Variants in SCLT1 observed in about 807,000 individuals in gnomAD.
SCLT1 encodes sodium channel-associated protein 1.
Under a neutral mutation model 112.8 loss-of-function variants are expected in SCLT1, and 78 were observed. That is an observed-to-expected ratio of 0.69 (90% CI 0.58 to 0.83). SCLT1 has a LOEUF of 0.83. Among genes scored for constraint, SCLT1 ranks in the 40% least tolerant of loss-of-function variants. The pLI, the probability that SCLT1 is intolerant of heterozygous loss-of-function variation, is 0.00. For missense variants in SCLT1, 747 were observed against 770.4 expected (o/e 0.97, Z 0.36); for synonymous variants, 257 against 254.7 (o/e 1.01, Z -0.09).
chr4:129,026,845 G>A lies in SCLT1; in HGVS notation c.290+12196C>T, dbSNP rs570739947. Among the ~76,000 whole-genome samples the A allele has an allele frequency of 1.7e-3, 264 of 152,116 alleles. 1 individual carries two copies. Among genetic ancestry groups the A allele is most frequent in the African/African-American group, 5.6e-3 (231 of 41,502 alleles). ...GGAAAGAGAGAAGAATCAAATAGAC[G>A]CAATAAAAAATGATAAAGGGGATAT... On this transcript the variant is annotated intron_variant, in intron 5 of 20. Coordinates refer to ENST00000281142, the MANE Select transcript of SCLT1 (RefSeq NM_144643.4).
intron 12 of SCLT1, among the ~76,000 whole-genome samples, chr4:128,958,591 A>G (rs1407365210): frequency 6.6e-6 from 1 of 152,160 alleles, no homozygotes; most frequent in Non-Finnish European, 1.5e-5. Context: ...ATGGCTTGGT[A>G]TAAGAGTGCT....
downstream of SCLT1, among the ~76,000 whole-genome samples, chr4:128,880,186 C>T (rs560764997): frequency 6.6e-6 from 1 of 152,258 alleles, no homozygotes; most frequent in African/African-American, 2.4e-5. Flanking sequence ...GTACAAGTAG[C>T]AGTATGGGCC....
At chr4:128,953,677 T>C (rs956930858) in intron 13 of SCLT1, among the ~76,000 whole-genome samples, 2 of 151,434 alleles carry the variant, frequency 1.3e-5, no homozygotes, top group African/African-American at 4.9e-5. Context: ...CAGGCACCTG[T>C]AGTCCCAGCT....
chr4:129,040,455 G>GC (rs1262384258), intron 4 of SCLT1, among the ~76,000 whole-genome samples: 3 of 152,104 alleles, frequency 2.0e-5, no homozygotes, highest in African/African-American at 7.2e-5. Flanking sequence ...CACGATCACA[G>GC]CCCACTGCAG....
downstream of SCLT1, among the ~76,000 whole-genome samples, chr4:128,883,736 T>C (rs1579272964): frequency 6.6e-6 from 1 of 152,284 alleles, no homozygotes; most frequent in African/African-American, 2.4e-5. Context: ...CAAACCTCTC[T>C]GCTTTAATCA....
intron 2 of SCLT1, among the ~76,000 whole-genome samples, chr4:129,058,707 T>C (rs539334656): frequency 1.3e-5 from 2 of 152,200 alleles, no homozygotes; most frequent in African/African-American, 4.8e-5. Flanking sequence ...AAAATTTATA[T>C]AAATGTATGT....
chr4:128,874,085 C>T (rs1419832497), intron 5 of SCLT1: 1 of 152,578 alleles, frequency 6.6e-6, no homozygotes, highest in Non-Finnish European at 1.5e-5. Context: ...GACTGCTGTC[C>T]AGATCAGCTT....
chr4:129,043,112 A>G (rs1220937849), intron 4 of SCLT1, among the ~76,000 whole-genome samples: 3 of 151,988 alleles, frequency 2.0e-5, no homozygotes, highest in Non-Finnish European at 4.4e-5. Flanking sequence ...GGGTCTCACT[A>G]CGTTACCCAG....
chr4:128,945,672 A>G (rs1738092371), intron 16 of SCLT1, among the ~76,000 whole-genome samples: 1 of 152,128 alleles, frequency 6.6e-6, no homozygotes, highest in Admixed American at 6.5e-5. Flanking sequence ...CACTATAACA[A>G]GAAATACACT....
rs529901531 is a variant in SCLT1, at chr4:128,931,288, GAAT to G, written c.1829+5364_1829+5366del. The stretch of plus-strand genomic sequence containing the variant: ...TTACTGAGCAGCAAAGAGCAAATCA[GAAT>G]AATCTCTGTGGGAATAGTAATTCGA... On this transcript the variant is annotated intron_variant, in intron 18 of 20. Coordinates refer to ENST00000281142, the MANE Select transcript of SCLT1 (RefSeq NM_144643.4). 8.5e-5 allele frequency among the ~76,000 whole-genome samples: 13 copies of G among 152,156 alleles called. No homozygotes were observed. The East Asian group carries it at 2.3e-3, about 27-fold the overall frequency.
At chr4:128,972,330 G>A (rs1466056317) in intron 9 of SCLT1, 1 of 151,324 alleles carries the variant, frequency 6.6e-6, no homozygotes. Context: ...ATAATTGCTT[G>A]TTCTACTTGT....
intron 9 of SCLT1, among the ~76,000 whole-genome samples, chr4:128,990,750 G>A: frequency 1.3e-5 from 2 of 150,076 alleles, no homozygotes; most frequent in African/African-American, 4.9e-5. Context: ...CCACATACAA[G>A]ATCAACGAAC....
chr4:129,073,457 T>C (rs1228071997), intron 2 of SCLT1, among the ~76,000 whole-genome samples: 1 of 152,178 alleles, frequency 6.6e-6, no homozygotes, highest in Non-Finnish European at 1.5e-5. Context: ...TATAAATTCT[T>C]ATGACTGAAG....
intron 13 of SCLT1, among the ~76,000 whole-genome samples, chr4:128,955,012 T>C (rs951184173): frequency 2.6e-5 from 4 of 152,186 alleles, no homozygotes; most frequent in Non-Finnish European, 5.9e-5. Context: ...TGAAATACAT[T>C]TATAGTAATC....
intron 6 of SCLT1, among the ~76,000 whole-genome samples, chr4:129,003,225 G>A (rs1388324836): frequency 6.6e-6 from 1 of 151,972 alleles, no homozygotes; most frequent in Admixed American, 6.6e-5. Flanking sequence ...ATAAGTGGGA[G>A]TTAAACAATG....
chr4:128,983,498 G>A (rs1294938229), intron 9 of SCLT1, among the ~76,000 whole-genome samples: 1 of 152,126 alleles, frequency 6.6e-6, no homozygotes, highest in South Asian at 2.1e-4. Flanking sequence ...TCTGGAGAAG[G>A]CAAGTTTTAG....
intron 18 of SCLT1, among the ~76,000 whole-genome samples, chr4:128,906,454 T>C (rs955940944): frequency 6.6e-6 from 1 of 152,168 alleles, no homozygotes; most frequent in Non-Finnish European, 1.5e-5. Flanking sequence ...CGCTTCGGCC[T>C]CCCAAAGTGC....
chr4:128,899,608 C>G (rs1179015769), intron 18 of SCLT1, among the ~76,000 whole-genome samples: 1 of 152,098 alleles, frequency 6.6e-6, no homozygotes, highest in East Asian at 1.9e-4. Context: ...CCTTTGAAAA[C>G]TGGCACAAGA....
At chr4:129,023,979 G>A (rs1293749304) in intron 5 of SCLT1, among the ~76,000 whole-genome samples, 1 of 152,236 alleles carries the variant, frequency 6.6e-6, no homozygotes, top group African/African-American at 2.4e-5. Context: ...CGGCAGCGAG[G>A]CTGGGGGAGG....
Sources: allele counts gnomAD v4.1 joint callset (sites outside exome capture counted in the v4.1 genomes callset), GRCh38; gene constraint gnomAD v4.1.1; transcripts MANE v1.5; gene names NCBI Gene and HGNC (gene_info 2026-07-23, HGNC 2026-07-21).